The following ZNF606 variants were observed in gnomAD, a reference collection of about 807,000 sequenced individuals.
The protein encoded by ZNF606 is zinc finger protein 328.
ZNF606 carries 37 observed loss-of-function variants against 74.9 expected under a neutral mutation model. That is an observed-to-expected ratio of 0.49 (90% CI 0.38 to 0.65). ZNF606 has a LOEUF of 0.65. Ranked by LOEUF, ZNF606 falls within the 30% of genes least tolerant of loss-of-function variation. The pLI is 0.00. For synonymous variants in ZNF606, 328 were observed against 312.4 expected (o/e 1.05, Z -0.53); for missense variants, 852 against 952.9 (o/e 0.89, Z 1.39).
Position 57,977,983 on chromosome 19 carries a change from TG to T in ZNF606, c.*317del, listed in dbSNP as rs149415239. 7.6e-3 allele frequency: 1,560 copies of T among 205,186 alleles called. 34 individuals are homozygous for T. Among genetic ancestry groups the T allele is most frequent in the African/African-American group, 0.031 (1,368 of 43,456 alleles). The allele number at this position is 205,186 out of a possible 1,614,324, so 12.7% of individuals were successfully genotyped here. A position where few individuals can be genotyped will look rare whatever the true frequency, so the allele number is the denominator to read the frequency against. ...TTAGCAATTCACACCAATCTACAAT[TG>T]GTGAGAGCTCTTGCTAAAAGATGCC... On this transcript the variant is annotated 3_prime_UTR_variant, in exon 7 of 7. Transcript: ENST00000551380.
At chr19:57,982,906 C>T (rs1186937760) in intron 6 of ZNF606, among the ~76,000 whole-genome samples, 1 of 152,128 alleles carries the variant, frequency 6.6e-6, no homozygotes, top group African/African-American at 2.4e-5. Context: ...CTTGGCCTCC[C>T]AAAGCACTGG....
chr19:57,980,259 T>C lies in ZNF606; in HGVS notation c.421A>G (p.Ser141Gly), dbSNP rs11673029. 0.14 allele frequency: 231,332 copies of C among 1,606,488 alleles called. 17,130 individuals are homozygous for C. Among genetic ancestry groups the C allele is most frequent in the African/African-American group, 0.19 (14,547 of 74,658 alleles). ...TCPEWVRNLESKALIPAQSIF... is the reference protein window; with the variant it reads ...TCPEWVRNLEGKALIPAQSIF... The stretch of plus-strand genomic sequence containing the variant: ...CTCTGTGCTGGGATCAATGCTTTGC[T>C]TTCAAGATTTCTCACCCATTCTGAA... The change falls in exon 7 of 7, where the codon AGC becomes GGC. Residue 141 changes from serine (S) to glycine (G), a missense_variant. This residue lies in a region of ZNF606 where 545 missense variants were observed against 542.5 expected (regional missense o/e 1.00). Transcript: ENST00000551380.
At chr19:57,980,699 G>T (rs1452772004) in intron 6 of ZNF606, among the ~76,000 whole-genome samples, 2 of 152,122 alleles carry the variant, frequency 1.3e-5, no homozygotes, top group Non-Finnish European at 2.9e-5. Context: ...GCCAGGTGTG[G>T]TGGCGGGTGC....
At position 58,000,605 on chromosome 19, in the gene ZNF606, T is replaced by C. The variant is rs527493648; in HGVS notation, c.88+78A>G. 8 of 1,496,852 alleles carry C rather than the reference T, an allele frequency of 5.3e-6. No homozygotes were observed. In the African/African-American group the frequency reaches 1.1e-4, roughly 21 times the overall value. 92.7% of individuals were successfully genotyped at this position (1,496,852 alleles called of 1,614,324 possible). A position where few individuals can be genotyped will look rare whatever the true frequency, so the allele number is the denominator to read the frequency against. On this transcript the variant is annotated intron_variant, in intron 3 of 6. Coordinates refer to ENST00000551380, the MANE Select transcript of ZNF606 (RefSeq NM_001348022.3). ...CTAAAGCCCCACCTGGTCCCCATTC[T>C]ATTCCCCAGCTGTGGCAGAGCACTA...
At position 57,980,074 on chromosome 19, in the gene ZNF606, C is replaced by CT; in HGVS notation, c.605dup (p.Gln203AlafsTer9). The stretch of plus-strand genomic sequence containing the variant: ...CAGAGCTTCTCTGGGATAGTACTTG[C>CT]TTTTGCATGAAGACCATCTGCCTCA... On this transcript the variant is annotated frameshift_variant, in exon 7 of 7. Coordinates refer to ENST00000551380, the MANE Select transcript of ZNF606 (RefSeq NM_001348022.3). LOFTEE classifies it high-confidence loss of function. 6.2e-7 allele frequency: 1 copy of CT among 1,613,824 alleles called. No homozygotes were observed.
At chr19:58,002,165 A>C (rs1338216470) in intron 1 of ZNF606, 1 of 456,636 alleles carries the variant, frequency 2.2e-6, no homozygotes, top group Non-Finnish European at 4.4e-6. Context: ...CGCCGCCGTC[A>C]CTGCATGTTT....
chr19:57,990,468 A>C (rs1412060515), intron 4 of ZNF606, among the ~76,000 whole-genome samples: 1 of 142,286 alleles, frequency 7.0e-6, no homozygotes, highest in East Asian at 2.2e-4. Context: ...TGGGCCCAGG[A>C]GGTGGAGGCT....
chr19:57,979,204 A>C lies in ZNF606; in HGVS notation c.1476T>G (p.Ser492=). The C allele has an allele frequency of 1.2e-6, 2 of 1,613,816 alleles. No individual in the cohort carries two copies. The highest frequency in any genetic ancestry group is 1.7e-6 in the Non-Finnish European group (2 of 1,179,906). The change falls in exon 7 of 7, where the codon TCT becomes TCG. Residue 492 remains serine (S), a synonymous_variant. Transcript: ENST00000551380. ...KPYVCNECGK[S]FNWNSHLIGH... The stretch of plus-strand genomic sequence containing the variant: ...CAATAAGATGAGAGTTCCAGTTGAA[A>C]GATTTCCCACACTCATTACAAACAT...
In ZNF606 at chr19:57,979,517, G is replaced by A; in HGVS notation, c.1163C>T (p.Thr388Ile). 2 of 1,613,792 alleles carry A rather than the reference G, an allele frequency of 1.2e-6. No homozygotes were observed. The highest frequency in any genetic ancestry group is 1.7e-6 in the Non-Finnish European group (2 of 1,179,898). Residue 388 changes from threonine to isoleucine, a missense_variant, in exon 7 of 7, where the codon ACT (threonine) becomes ATT (isoleucine). Transcript: ENST00000551380. Reference protein sequence around the residue: ...EKVFGYDSFLTQHTSTYTAEK... With the variant: ...EKVFGYDSFLIQHTSTYTAEK... Reference sequence around the variant, plus strand: ...TGCAGTGTAAGTGCTTGTATGTTGAGTAAGGAAAGAGTCATACCCAAAGAC... The same window carrying A: ...TGCAGTGTAAGTGCTTGTATGTTGAATAAGGAAAGAGTCATACCCAAAGAC...
chr19:57,994,195 G>A (rs1003772781), intron 4 of ZNF606, among the ~76,000 whole-genome samples: 3 of 152,032 alleles, frequency 2.0e-5, no homozygotes, highest in Non-Finnish European at 2.9e-5. Context: ...AAGAACAGAA[G>A]ACACAGCAAC....
At chr19:58,000,197 T>C (rs2073398707) in intron 3 of ZNF606, 4 of 487,208 alleles carry the variant, frequency 8.2e-6, no homozygotes, top group Middle Eastern at 1.1e-3. Context: ...CATCTTGAGA[T>C]GTCACCATCA....
chr19:57,988,401 G>A, intron 5 of ZNF606, 99 bp from the exon 6 acceptor site: 4 of 1,403,374 alleles, frequency 2.9e-6, no homozygotes, highest in Non-Finnish European at 3.9e-6. Context: ...TCTCAACCTG[G>A]GCAGAATATG....
At chr19:57,983,620 T>C (rs1397806775) in intron 6 of ZNF606, among the ~76,000 whole-genome samples, 3 of 149,490 alleles carry the variant, frequency 2.0e-5, no homozygotes, top group Non-Finnish European at 3.0e-5. Context: ...CACTCTGAGA[T>C]GGTGGGGTTA....
At chr19:58,002,003 A>G (rs2073438547) in intron 1 of ZNF606, 1 of 363,052 alleles carries the variant, frequency 2.8e-6, no homozygotes, top group Non-Finnish European at 5.4e-6. Flanking sequence ...CAGGTTCCAG[A>G]TCTTTGTACA....
chr19:57,979,508 G>A lies in ZNF606; in HGVS notation c.1172C>T (p.Thr391Ile), dbSNP rs1371182294. 6.2e-7 allele frequency: 1 copy of A among 1,613,912 alleles called. No individual in the cohort carries two copies. The highest frequency in any genetic ancestry group is 1.7e-5 in the Admixed American group (1 of 60,010). ...GGGTTTCTCTGCAGTGTAAGTGCTT[G>A]TATGTTGAGTAAGGAAAGAGTCATA... ...FGYDSFLTQH[T>I]STYTAEKPYD... Residue 391 changes from threonine (T) to isoleucine (I), a missense_variant, in exon 7 of 7, where the codon ACA (threonine) becomes ATA (isoleucine). By Grantham distance (89) the Thr-to-Ile change is moderately conservative (BLOSUM62 -1). Around this residue, in one of 3 missense-constraint regions of ZNF606, gnomAD observed 545 missense variants for 542.5 expected, o/e 1.00. Coordinates refer to ENST00000551380, the MANE Select transcript of ZNF606 (RefSeq NM_001348022.3).
At chr19:57,980,374 C>T in intron 6 of ZNF606, 95 bp from the exon 7 acceptor site, 3 of 1,313,194 alleles carry the variant, frequency 2.3e-6, no homozygotes, top group East Asian at 2.3e-5. Flanking sequence ...ATCAAAAACA[C>T]TAGTATAAAT....
At chr19:57,992,434 C>T (rs924715504) in intron 4 of ZNF606, among the ~76,000 whole-genome samples, 7 of 152,038 alleles carry the variant, frequency 4.6e-5, no homozygotes, top group Admixed American at 6.6e-5. Context: ...TAACAGGAGA[C>T]GAGGGGATGG....
intron 1 of ZNF606, 164 bp downstream of exon 1, chr19:58,002,232 T>C: frequency 2.2e-6 from 1 of 456,820 alleles, no homozygotes; most frequent in South Asian, 1.5e-5. Context: ...GTGCTTTGTG[T>C]GAACTGGCAG....
Position 57,978,108 on chromosome 19 carries a change from G to T in ZNF606, c.*193C>A, listed in dbSNP as rs2073016903. 5.8e-6 allele frequency: 3 copies of T among 519,432 alleles called. No individual in the cohort carries two copies. The highest frequency in any genetic ancestry group is 3.9e-5 in the African/African-American group (2 of 50,640). 32.2% of individuals were successfully genotyped at this position (519,432 alleles called of 1,614,324 possible). On this transcript the variant is annotated 3_prime_UTR_variant, in exon 7 of 7. Coordinates refer to ENST00000551380, the MANE Select transcript of ZNF606 (RefSeq NM_001348022.3). This position sits in a 1 kb window ranked among gnomAD's most constrained non-coding sequence, Gnocchi z 4.4. ...TGTTAATTATCTGATTTTGAGTAAGGGCTAAATAACTGCTGAAAGCTTTTC... is the reference window on the plus strand; with the variant it reads ...TGTTAATTATCTGATTTTGAGTAAGTGCTAAATAACTGCTGAAAGCTTTTC...
Sources: allele counts gnomAD v4.1 joint callset (sites outside exome capture counted in the v4.1 genomes callset), GRCh38; gene constraint gnomAD v4.1.1; regional missense constraint gnomAD v4.1.1; non-coding constraint Gnocchi (gnomAD v3.1); transcripts MANE v1.5; gene names NCBI Gene and HGNC (gene_info 2026-07-23, HGNC 2026-07-21).